Variants in MRPS6 observed in about 807,000 individuals in gnomAD.
MRPS6 encodes mitochondrial ribosomal protein S6, also known as small ribosomal subunit protein bS6m.
Under a neutral mutation model 13.1 loss-of-function variants are expected in MRPS6, and 6 were observed. The observed-to-expected ratio is 0.46, with a 90% CI of 0.25 to 0.91. MRPS6 has a LOEUF of 0.91. MRPS6 is among the 40% of genes least tolerant of loss of function. MRPS6 has a pLI of 0.18. For missense variants in MRPS6, 164 were observed against 155.6 expected, an observed-to-expected ratio of 1.05 and a Z score of -0.29; for synonymous variants, 61 against 56.5, an observed-to-expected ratio of 1.08 and a Z score of -0.36.
chr21:34,108,523 CTG>C (rs1979573083), intron 1 of MRPS6, among the ~76,000 whole-genome samples: 2 of 152,192 alleles, frequency 1.3e-5, no homozygotes, highest in African/African-American at 4.8e-5. Flanking sequence ...CTGTTGCTAA[CTG>C]TGCACATCTA....
In MRPS6 at chr21:34,088,455, TCA is replaced by T. The variant is rs1309850592; in HGVS notation, c.45+14715_45+14716del. Among the ~76,000 whole-genome samples the T allele has an allele frequency of 2.6e-5, 4 of 152,364 alleles. No homozygotes were observed. In the East Asian group the frequency reaches 7.7e-4, roughly 29 times the overall value. On this transcript the variant is annotated intron_variant, in intron 1 of 2. Transcript: ENST00000399312. ...TATCCATACACATCCATTCACATGATCACACAAAGATTTCAACTGGTTTTTAT... is the reference window on the plus strand; with the variant it reads ...TATCCATACACATCCATTCACATGATCACAAAGATTTCAACTGGTTTTTAT...
chr21:34,076,377 T>G (rs1989331330), intron 1 of MRPS6, among the ~76,000 whole-genome samples: 1 of 152,232 alleles, frequency 6.6e-6, no homozygotes, highest in Admixed American at 6.5e-5. Context: ...GTATCTGGAT[T>G]GTAGCAAAGT....
At chr21:34,100,674 G>C (rs1470141703) in intron 1 of MRPS6, 3 of 1,000,014 alleles carry the variant, frequency 3.0e-6, no homozygotes, top group African/African-American at 3.5e-5. Flanking sequence ...GAGTTGAGGG[G>C]GTTGTTATGC....
intron 1 of MRPS6, among the ~76,000 whole-genome samples, chr21:34,109,228 T>C (rs1463689124): frequency 6.6e-6 from 1 of 152,036 alleles, no homozygotes; most frequent in Non-Finnish European, 1.5e-5. Flanking sequence ...TTCAAGATAG[T>C]TTTTTTTCTG....
intron 1 of MRPS6, among the ~76,000 whole-genome samples, chr21:34,118,553 C>T (rs1315221342): frequency 6.9e-6 from 1 of 143,954 alleles, no homozygotes. Flanking sequence ...TTCTTTCTTT[C>T]TTTCTTTTTT....
chr21:34,084,591 CAT>C (rs1194802982), intron 1 of MRPS6, among the ~76,000 whole-genome samples: 2 of 152,132 alleles, frequency 1.3e-5, no homozygotes, highest in Admixed American at 6.5e-5. Context: ...TACACACACA[CAT>C]ATGTACAATT....
intron 1 of MRPS6, chr21:34,101,306 C>T: frequency 1.0e-6 from 1 of 1,000,122 alleles, no homozygotes; most frequent in Non-Finnish European, 1.2e-6. Flanking sequence ...ATCAGGGCAC[C>T]AATAAATAAG....
chr21:34,095,588 T>C (rs760198872), intron 1 of MRPS6: 8 of 1,613,948 alleles, frequency 5.0e-6, no homozygotes, highest in Non-Finnish European at 6.8e-6. Context: ...CAGCCTTGTC[T>C]CTGATTCTCT....
chr21:34,092,837 T>G (rs1409445843), intron 1 of MRPS6, among the ~76,000 whole-genome samples: 1 of 152,180 alleles, frequency 6.6e-6, no homozygotes. Context: ...AGCACGTGGT[T>G]GCTACTGCCA....
intron 1 of MRPS6, chr21:34,105,614 A>G: frequency 1.0e-6 from 1 of 1,000,142 alleles, no homozygotes; most frequent in Non-Finnish European, 1.2e-6. Flanking sequence ...TATATTGTGT[A>G]CATGTGTCAT....
intron 1 of MRPS6, among the ~76,000 whole-genome samples, chr21:34,110,188 C>T (rs1216735897): frequency 6.6e-6 from 1 of 152,134 alleles, no homozygotes; most frequent in Admixed American, 6.6e-5. Flanking sequence ...GTTGGCTGGG[C>T]ACAGTGGCTC....
At chr21:34,124,630 C>G (rs1465300912) in intron 1 of MRPS6, 1 of 151,678 alleles carries the variant, frequency 6.6e-6, no homozygotes, top group Non-Finnish European at 1.5e-5. Flanking sequence ...TTCATTCATT[C>G]TTTGTACCTC....
intron 2 of MRPS6, among the ~76,000 whole-genome samples, chr21:34,139,461 TA>T (rs1446207858): frequency 6.6e-6 from 1 of 152,232 alleles, no homozygotes; most frequent in East Asian, 1.9e-4. Context: ...CTTAAGGGTT[TA>T]AACTACACAT....
At chr21:34,102,646 G>T in intron 1 of MRPS6, 1 of 1,000,132 alleles carries the variant, frequency 1.0e-6, no homozygotes, top group Non-Finnish European at 1.2e-6. Flanking sequence ...GGTTACCTGG[G>T]TTCACAGCTT....
At chr21:34,103,626 T>C in intron 1 of MRPS6, 1 of 1,000,094 alleles carries the variant, frequency 1.0e-6, no homozygotes, top group Non-Finnish European at 1.2e-6. Flanking sequence ...ACAAGACTAA[T>C]AGTATTCTCT....
At chr21:34,118,387 T>TTCCAAA (rs1441427945) in intron 1 of MRPS6, among the ~76,000 whole-genome samples, 1 of 152,144 alleles carries the variant, frequency 6.6e-6, no homozygotes, top group African/African-American at 2.4e-5. Context: ...TTTTCCAATA[T>TTCCAAA]ATTTATTGAA....
intron 1 of MRPS6, chr21:34,099,649 A>G: frequency 1.0e-6 from 1 of 997,682 alleles, no homozygotes; most frequent in Non-Finnish European, 1.2e-6. Flanking sequence ...AGTAGTTTGG[A>G]GAATTAGGGT....
At chr21:34,103,405 G>A in intron 1 of MRPS6, 1 of 995,298 alleles carries the variant, frequency 1.0e-6, no homozygotes, top group Non-Finnish European at 1.2e-6. Context: ...CTGTATTTGT[G>A]TTGTAGCCTA....
intron 1 of MRPS6, chr21:34,099,994 GTCTTAAGC>G: frequency 1.6e-6 from 1 of 645,036 alleles, no homozygotes; most frequent in South Asian, 7.0e-5. Flanking sequence ...TACATGGACT[GTCTTAAGC>G]TAGCAAAATG....
Sources: gnomAD v4.1 joint callset for allele counts (sites outside exome capture counted in the v4.1 genomes callset) on GRCh38, gnomAD v4.1.1 for gene constraint, MANE v1.5 for transcripts, NCBI Gene and HGNC (gene_info 2026-07-23, HGNC 2026-07-21) for gene names.